COG5: variants seen among roughly 807,000 people sequenced by gnomAD.
The protein encoded by COG5 is component of oligomeric golgi complex 5.
Under a neutral mutation model 110.4 loss-of-function variants are expected in COG5, and 86 were observed. That is an observed-to-expected ratio of 0.78 (90% CI 0.65 to 0.93). The LOEUF is 0.93. Ranked by LOEUF, COG5 falls within the 40% of genes least tolerant of loss-of-function variation. The pLI is 0.00. For synonymous variants in COG5, 360 were observed against 334.6 expected, an observed-to-expected ratio of 1.08 and a Z score of -0.83; for missense variants, 1,077 against 987.0, an observed-to-expected ratio of 1.09 and a Z score of -1.22.
In COG5 at chr7:107,474,194, C is replaced by T. The variant is rs1796829451; in HGVS notation, c.538+53043G>A. ...CCGTTAAGCTTTCAAGTGTCTCTCACCGGATTTCTTATGTTAGAAATTGTG... is the reference window on the plus strand; with the variant it reads ...CCGTTAAGCTTTCAAGTGTCTCTCATCGGATTTCTTATGTTAGAAATTGTG... On this transcript the variant is annotated intron_variant, in intron 6 of 21. Transcript: ENST00000297135. The surrounding 1 kb of genome is among the most constrained non-coding windows in gnomAD (Gnocchi z 5.7). 5 of 1,612,914 alleles carry T rather than the reference C, an allele frequency of 3.1e-6. No individual in the cohort carries two copies. Among genetic ancestry groups the T allele is most frequent in the Non-Finnish European group, 4.2e-6 (5 of 1,179,108 alleles).
chr7:107,370,842 C>T (rs1429108476), intron 8 of COG5, among the ~76,000 whole-genome samples: 1 of 148,202 alleles, frequency 6.7e-6, no homozygotes, highest in Non-Finnish European at 1.5e-5. Flanking sequence ...TGTGATTATG[C>T]TTTTAAAGAA....
chr7:107,395,702 G>T (rs1790950435), intron 7 of COG5, among the ~76,000 whole-genome samples: 1 of 151,784 alleles, frequency 6.6e-6, no homozygotes, highest in African/African-American at 2.4e-5. Context: ...TTACAGGCAT[G>T]TGCCACCACG....
At chr7:107,294,964 CACATATATATAT>C (rs1193543535) in intron 12 of COG5, among the ~76,000 whole-genome samples, 4 of 131,430 alleles carry the variant, frequency 3.0e-5, no homozygotes, top group Non-Finnish European at 6.4e-5. Context: ...TATATATACA[CACATATATATAT>C]ACACATATAT....
intron 10 of COG5, among the ~76,000 whole-genome samples, chr7:107,330,121 A>G (rs1810112963): frequency 6.6e-6 from 1 of 152,230 alleles, no homozygotes; most frequent in South Asian, 2.1e-4. Context: ...TCTATTTATA[A>G]CTGACTCCCA....
chr7:107,447,111 T>C (rs1168151097), intron 6 of COG5, among the ~76,000 whole-genome samples: 2 of 152,188 alleles, frequency 1.3e-5, no homozygotes, highest in African/African-American at 2.4e-5. Flanking sequence ...ACTGACTTTC[T>C]GGTTTCCTTG....
chr7:107,345,256 T>G (rs1189685403), intron 10 of COG5, among the ~76,000 whole-genome samples: 1 of 152,088 alleles, frequency 6.6e-6, no homozygotes, highest in African/African-American at 2.4e-5. Flanking sequence ...ACTGATCACC[T>G]TAACAGATAA....
chr7:107,289,507 G>A (rs995694725), intron 12 of COG5, among the ~76,000 whole-genome samples: 4 of 151,980 alleles, frequency 2.6e-5, no homozygotes, highest in Non-Finnish European at 5.9e-5. Context: ...ATGAATTTTA[G>A]AAGCACTTGT....
rs1482321702 is a variant in COG5, at chr7:107,203,507, T to A, written c.*9A>T. 1.3e-6 allele frequency: 2 copies of A among 1,588,446 alleles called. No individual in the cohort carries two copies. Among genetic ancestry groups the A allele is most frequent in the Non-Finnish European group, 8.6e-7 (1 of 1,156,716 alleles). On this transcript the variant is annotated 3_prime_UTR_variant, in exon 22 of 22. Transcript: ENST00000297135. ...GCACAAAGTGGAGATGAACAAAGAT[T>A]TCATGTCATTACTGAAGAGCAGACA... is the stretch of plus-strand genomic sequence containing the variant.
chr7:107,229,663 T>C (rs2116392714), intron 19 of COG5, among the ~76,000 whole-genome samples: 1 of 152,266 alleles, frequency 6.6e-6, no homozygotes, highest in Middle Eastern at 3.4e-3. Context: ...TTCTCTCTAT[T>C]ATACTGGTAT....
Position 107,311,370 on chromosome 7 carries a change from A to ATTTTTTTTT in COG5, c.1109-13033_1109-13025dup, listed in dbSNP as rs71134260. ...TATAAGTGATATCGAGCGTATTTAC[A>ATTTTTTTTT]TTTTTTTTTTTTTTTTTTTTTTTTT... On this transcript the variant is annotated intron_variant, in intron 11 of 21. Transcript: ENST00000297135. Among the ~76,000 whole-genome samples the ATTTTTTTTT allele has an allele frequency of 1.0e-3, 60 of 58,952 alleles. 8 individuals carry two copies. The highest frequency in any genetic ancestry group is 1.6e-3 in the Non-Finnish European group (51 of 32,842). 38.7% of individuals were successfully genotyped at this position (58,952 alleles called of 152,430 possible).
intron 12 of COG5, among the ~76,000 whole-genome samples, chr7:107,294,472 CAT>C (rs923242258): frequency 6.6e-6 from 1 of 152,140 alleles, no homozygotes; most frequent in African/African-American, 2.4e-5. Flanking sequence ...AAGTTGTCTA[CAT>C]AGCAGTCAGA....
At chr7:107,424,478 A>G (rs1313070046) in intron 6 of COG5, among the ~76,000 whole-genome samples, 1 of 150,924 alleles carries the variant, frequency 6.6e-6, no homozygotes, top group Non-Finnish European at 1.5e-5. Flanking sequence ...AGTGCAGGTT[A>G]TTGACACCAA....
intron 11 of COG5, among the ~76,000 whole-genome samples, chr7:107,301,562 CTAAAAT>C (rs1242757906): frequency 6.6e-6 from 1 of 152,058 alleles, no homozygotes; most frequent in African/African-American, 2.4e-5. Flanking sequence ...GTTCAAATGA[CTAAAAT>C]TAAAAAGAGT....
chr7:107,548,366 A>T, intron 3 of COG5, 34 bp from the exon 4 acceptor site: 1 of 1,585,638 alleles, frequency 6.3e-7, no homozygotes, highest in South Asian at 1.1e-5. Flanking sequence ...GGCTTTACAA[A>T]TTTACAGGGC....
chr7:107,365,834 A>G (rs914181488), intron 8 of COG5, among the ~76,000 whole-genome samples: 4 of 152,094 alleles, frequency 2.6e-5, no homozygotes, highest in African/African-American at 9.7e-5. Context: ...ATGTGCTCCC[A>G]AGGTAAAAAG....
At chr7:107,540,413 A>T (rs941445930) in intron 5 of COG5, among the ~76,000 whole-genome samples, 4 of 137,650 alleles carry the variant, frequency 2.9e-5, no homozygotes, top group Admixed American at 1.5e-4. Flanking sequence ...TCTCTACAAT[A>T]AAAAAAAAAA....
In COG5 at chr7:107,201,526, A is replaced by G. The variant is rs1798304475; in HGVS notation, c.*1990T>C. On this transcript the variant is annotated 3_prime_UTR_variant, in exon 22 of 22. Transcript: ENST00000297135. ...ATCAAGGTCTCACCATTTGTCCTCAATTCGTGTGACCATAAGATACTGATA... is the reference window on the plus strand; with the variant it reads ...ATCAAGGTCTCACCATTTGTCCTCAGTTCGTGTGACCATAAGATACTGATA... 7.1e-6 allele frequency: 5 copies of G among 705,690 alleles called. No homozygotes were observed. The highest frequency in any genetic ancestry group is 3.8e-5 in the South Asian group (2 of 52,718). The allele number at this position is 705,690 out of a possible 1,614,324, so 43.7% of individuals were successfully genotyped here. A position where few individuals can be genotyped will look rare whatever the true frequency, so the allele number is the denominator to read the frequency against.
rs541139830 is a variant in COG5 at position 107,236,659 on chromosome 7, C to T, written c.1882G>A (p.Val628Ile). The T allele has an allele frequency of 1.5e-5, 24 of 1,614,032 alleles. No homozygotes were observed. In the South Asian group the frequency reaches 2.3e-4, roughly 16 times the overall value. The change falls in exon 18 of 22, where the codon GTT (valine) becomes ATT (isoleucine). Residue 628 changes from valine to isoleucine, a missense_variant. Val to Ile is a conservative substitution (Grantham distance 29, BLOSUM62 3). Transcript: ENST00000297135. ...TCCTTCATGTACAGAGAACAAGGAA[C>T]ATCAGGTTTTCCTGAGCTGGATAAT... ...GSLSSSGKPD[V>I]PCSLYMKELQ...
chr7:107,210,308 T>C, intron 21 of COG5: 1 of 1,423,948 alleles, frequency 7.0e-7, no homozygotes, highest in Non-Finnish European at 9.2e-7. Context: ...ACATCAGGGA[T>C]ATGAAGGTTT....
Sources: gnomAD v4.1 joint callset for allele counts (sites outside exome capture counted in the v4.1 genomes callset) on GRCh38, gnomAD v4.1.1 for gene constraint, Gnocchi (gnomAD v3.1) non-coding constraint, MANE v1.5 for transcripts, NCBI Gene and HGNC (gene_info 2026-07-23, HGNC 2026-07-21) for gene names.